Variants in TNRC6A observed in about 807,000 individuals in gnomAD.
The protein encoded by TNRC6A is trinucleotide repeat-containing gene 6A protein.
In TNRC6A, 44 loss-of-function variants were observed where a neutral mutation model predicts 221.2. The observed-to-expected ratio is 0.20, with a 90% confidence interval of 0.16 to 0.26. TNRC6A has a LOEUF of 0.26. TNRC6A is among the 10% of genes least tolerant of loss of function. TNRC6A has a pLI of 1.00. For synonymous variants in TNRC6A, 847 were observed against 838.5 expected, an observed-to-expected ratio of 1.01 and a Z score of -0.18; for missense variants, 2,199 against 2,404.4, an observed-to-expected ratio of 0.91 and a Z score of 1.79.
At chr16:24,802,601 A>G (rs1450557409) in intron 11 of TNRC6A, among the ~76,000 whole-genome samples, 1 of 152,206 alleles carries the variant, frequency 6.6e-6, no homozygotes, top group Non-Finnish European at 1.5e-5. Context: ...CAGGCAGGTA[A>G]AAATGTGGGA....
intron 2 of TNRC6A, among the ~76,000 whole-genome samples, chr16:24,687,370 T>C (rs766688228): frequency 1.3e-5 from 2 of 152,226 alleles, no homozygotes; most frequent in Non-Finnish European, 2.9e-5. Context: ...GACTAAAGGA[T>C]GAATTCTAGC....
chr16:24,633,639 C>G (rs1160051872), intron 1 of TNRC6A, among the ~76,000 whole-genome samples: 2 of 152,160 alleles, frequency 1.3e-5, no homozygotes, highest in Non-Finnish European at 2.9e-5. Context: ...GTGACCCACC[C>G]ACCTCGGCTT....
intron 5 of TNRC6A, among the ~76,000 whole-genome samples, chr16:24,777,962 A>C (rs931385316): frequency 6.6e-6 from 1 of 152,202 alleles, no homozygotes; most frequent in Non-Finnish European, 1.5e-5. Flanking sequence ...TTGTTTCAAC[A>C]TGTTCTGGAA....
chr16:24,725,728 G>A (rs561997129), upstream of TNRC6A, among the ~76,000 whole-genome samples: 4 of 152,020 alleles, frequency 2.6e-5, no homozygotes, highest in East Asian at 7.7e-4. Flanking sequence ...AATCGGCCAG[G>A]CACGGTGGCT....
intron 2 of TNRC6A, among the ~76,000 whole-genome samples, chr16:24,645,027 C>T (rs1046458742): frequency 1.3e-5 from 2 of 152,130 alleles, no homozygotes; most frequent in African/African-American, 4.8e-5. Context: ...AACATTTGAT[C>T]TGTATTTATA....
chr16:24,818,659 A>G lies in TNRC6A; in HGVS notation c.5039A>G (p.Asn1680Ser), dbSNP rs757176021. The G allele has an allele frequency of 2.5e-6, 4 of 1,614,002 alleles. No homozygotes were observed. Among genetic ancestry groups the G allele is most frequent in the African/African-American group, 1.3e-5 (1 of 74,894 alleles). Residue 1680 changes from asparagine (N) to serine (S), a missense_variant, in exon 21 of 25, where the codon AAC (asparagine) becomes AGC (serine). Asn to Ser is a conservative substitution (Grantham distance 46). This residue lies in a region of TNRC6A where 449 missense variants were observed against 579.7 expected (regional missense o/e 0.77). Transcript: ENST00000395799. ...GCCTGGTCATCCATTCGTGCCTCCA[A>G]CTACAACGTTCCCCTCAGCAGTACA... ...TSAWSSIRAS[N>S]YNVPLSSTAQ...
intron 2 of TNRC6A, among the ~76,000 whole-genome samples, chr16:24,681,878 G>A (rs1051324303): frequency 2.0e-5 from 3 of 152,164 alleles, no homozygotes; most frequent in Admixed American, 2.0e-4. Flanking sequence ...AGATGAAACT[G>A]CTGAGTCAAA....
intron 10 of TNRC6A, 64 bp downstream of exon 10, chr16:24,797,634 C>T: frequency 7.6e-7 from 1 of 1,318,214 alleles, no homozygotes; most frequent in Non-Finnish European, 1.1e-6. Context: ...ATCTTGATTT[C>T]ACTCTTTTTA....
intron 4 of TNRC6A, among the ~76,000 whole-genome samples, chr16:24,775,173 G>A (rs938666263): frequency 5.9e-5 from 9 of 152,098 alleles, no homozygotes; most frequent in East Asian, 5.8e-4. Flanking sequence ...AGGAATATAC[G>A]TTATTGTTAC....
chr16:24,752,521 C>T (rs992890326), intron 3 of TNRC6A, among the ~76,000 whole-genome samples: 1 of 152,030 alleles, frequency 6.6e-6, no homozygotes, highest in African/African-American at 2.4e-5. Context: ...GTAGGCTTCT[C>T]GTGGTTTGGT....
At chr16:24,760,627 C>T (rs533181810) in intron 4 of TNRC6A, among the ~76,000 whole-genome samples, 6 of 151,952 alleles carry the variant, frequency 3.9e-5, no homozygotes, top group Non-Finnish European at 7.4e-5. Context: ...ATGTATTTGT[C>T]TAGGTAGTAT....
chr16:24,670,041 C>T (rs112164251), intron 2 of TNRC6A, among the ~76,000 whole-genome samples: 1 of 145,082 alleles, frequency 6.9e-6, no homozygotes, highest in African/African-American at 2.5e-5. Context: ...CCTCTACCTC[C>T]CAGGCTCAAG....
intron 11 of TNRC6A, among the ~76,000 whole-genome samples, chr16:24,801,923 C>G (rs1170595753): frequency 6.6e-6 from 1 of 152,004 alleles, no homozygotes; most frequent in Non-Finnish European, 1.5e-5. Context: ...CAATGGCTAG[C>G]TTAGTTGTTA....
chr16:24,656,300 T>TAA (rs1281133654), intron 2 of TNRC6A, among the ~76,000 whole-genome samples: 1 of 150,508 alleles, frequency 6.6e-6, no homozygotes, highest in Non-Finnish European at 1.5e-5. Context: ...CCGTCTCTAC[T>TAA]AAAAATACAA....
intron 19 of TNRC6A, 73 bp downstream of exon 19, chr16:24,815,378 A>AAGTC: frequency 6.6e-7 from 1 of 1,524,526 alleles, no homozygotes. Flanking sequence ...TGGACTTACT[A>AAGTC]CTGATGTAGC....
Position 24,729,683 on chromosome 16 carries a change from G to GTCGGTA in TNRC6A, c.-155_-154insTATCGG. ...GTCTGGGGCCTGCGGCGGCGGCGGT[G>GTCGGTA]TCGGCGGCGGCGGCGGCGGCGGCGG... is the stretch of plus-strand genomic sequence containing the variant. On this transcript the variant is annotated 5_prime_UTR_variant, in exon 1 of 25. Transcript: ENST00000395799. The GTCGGTA allele has an allele frequency of 1.3e-6, 1 of 750,180 alleles. No individual in the cohort carries two copies. 46.5% of individuals were successfully genotyped at this position (750,180 alleles called of 1,614,324 possible).
At position 24,704,555 on chromosome 16, in the gene TNRC6A, C is replaced by T. The variant is rs375791173; in HGVS notation, n.403-46171C>T. On this transcript the variant is annotated intron_variant and non_coding_transcript_variant, in intron 2 of 2. Transcript: ENST00000566108. ...TGGCACACACCTGTAATCCCAGCTACTCAGGAGGCTGAAGCAGGAGAATCA... is the reference window on the plus strand; with the variant it reads ...TGGCACACACCTGTAATCCCAGCTATTCAGGAGGCTGAAGCAGGAGAATCA... Among the ~76,000 whole-genome samples the T allele has an allele frequency of 1.1e-3, 161 of 149,348 alleles. 1 individual carries two copies. Among genetic ancestry groups the T allele is most frequent in the African/African-American group, 3.7e-3 (152 of 40,768 alleles).
chr16:24,726,386 G>C (rs1176364368), upstream of TNRC6A, among the ~76,000 whole-genome samples: 2 of 149,370 alleles, frequency 1.3e-5, no homozygotes, highest in Admixed American at 1.3e-4. Context: ...AATGGCTAGA[G>C]AGGTAAAAAG....
At chr16:24,746,501 A>G (rs998991118) in intron 2 of TNRC6A, among the ~76,000 whole-genome samples, 4 of 152,172 alleles carry the variant, frequency 2.6e-5, no homozygotes, top group Non-Finnish European at 5.9e-5. Flanking sequence ...CCCCACTTTA[A>G]AATTACTGTG....
Sources: allele counts gnomAD v4.1 joint callset (sites outside exome capture counted in the v4.1 genomes callset), GRCh38; gene constraint gnomAD v4.1.1; regional missense constraint gnomAD v4.1.1; transcripts MANE v1.5; gene names NCBI Gene and HGNC (gene_info 2026-07-23, HGNC 2026-07-21).